The following RIC1 variants were observed in gnomAD, a reference collection of about 807,000 sequenced individuals.
RIC1 encodes the protein guanine nucleotide exchange factor subunit RIC1.
Under a neutral mutation model 169.0 loss-of-function variants are expected in RIC1, and 88 were observed. The observed-to-expected ratio is 0.52, with a 90% CI of 0.44 to 0.62. The LOEUF (loss-of-function observed/expected upper bound fraction) is 0.62. Among genes scored for constraint, RIC1 ranks in the 20% least tolerant of loss-of-function variants. The pLI, the probability that RIC1 is intolerant of heterozygous loss-of-function variation, is 0.00. For synonymous variants in RIC1, 790 were observed against 601.5 expected (o/e 1.31, Z -4.59); for missense variants, 1,877 against 1,725.5 (o/e 1.09, Z -1.56).
chr9:5,685,175 C>G (rs1821139465), intron 2 of RIC1, among the ~76,000 whole-genome samples: 1 of 150,328 alleles, frequency 6.7e-6, no homozygotes, highest in Non-Finnish European at 1.5e-5. Context: ...TAGGAAGAAT[C>G]AATATCGTGA....
intron 7 of RIC1, among the ~76,000 whole-genome samples, chr9:5,733,518 C>T (rs1439272182): frequency 2.6e-5 from 4 of 151,998 alleles, no homozygotes; most frequent in African/African-American, 9.7e-5. Context: ...TCCGCCTTGG[C>T]CTCCCACAGT....
intron 3 of RIC1, among the ~76,000 whole-genome samples, chr9:5,705,714 T>C (rs1245583571): frequency 1.3e-5 from 2 of 152,200 alleles, no homozygotes; most frequent in African/African-American, 4.8e-5. Flanking sequence ...TGCATGATCG[T>C]AGCGGGAAAA....
intron 1 of RIC1, among the ~76,000 whole-genome samples, chr9:5,645,934 T>G (rs969180091): frequency 1.4e-4 from 21 of 150,534 alleles, no homozygotes; most frequent in Non-Finnish European, 2.7e-4. Context: ...GCTGTTTCAT[T>G]TGGTTATTCT....
chr9:5,721,982 G>C (rs1315449377), intron 6 of RIC1, among the ~76,000 whole-genome samples: 1 of 150,986 alleles, frequency 6.6e-6, no homozygotes, highest in Non-Finnish European at 1.5e-5. Context: ...TCCGCCTCTC[G>C]GGTTCAAGCG....
chr9:5,664,034 A>G (rs1819610551), intron 2 of RIC1, among the ~76,000 whole-genome samples: 1 of 152,116 alleles, frequency 6.6e-6, no homozygotes, highest in African/African-American at 2.4e-5. Context: ...GCTTGTCTGA[A>G]CAGGATCTTG....
rs188716960 is a variant in RIC1, at chr9:5,680,736, C to T, written c.253-9223C>T. Among the ~76,000 whole-genome samples the T allele has an allele frequency of 1.8e-3, 272 of 150,268 alleles. 2 individuals are homozygous for T. Among genetic ancestry groups the T allele is most frequent in the South Asian group, 0.011 (50 of 4,728 alleles). ...TTATTGCGTCTGTTTGATTCTTCTC[C>T]GTTTTCTTCTTTATTAGTCTTGCTA... is the stretch of plus-strand genomic sequence containing the variant. On this transcript the variant is annotated intron_variant, in intron 2 of 25. Coordinates refer to ENST00000414202, the MANE Select transcript of RIC1 (RefSeq NM_020829.4).
At chr9:5,740,250 A>T (rs537325036) in intron 8 of RIC1, among the ~76,000 whole-genome samples, 1 of 152,290 alleles carries the variant, frequency 6.6e-6, no homozygotes, top group East Asian at 1.9e-4. Context: ...GCATAACTCT[A>T]TATAAACAGT....
At position 5,653,190 on chromosome 9, in the gene RIC1, T is replaced by C. The variant is rs1356233816; in HGVS notation, c.145-3393T>C. Among the ~76,000 whole-genome samples, 3 of 152,176 alleles carry C rather than the reference T, an allele frequency of 2.0e-5. No individual in the cohort carries two copies. In the East Asian group the frequency reaches 5.8e-4, roughly 29 times the overall value. On this transcript the variant is annotated intron_variant, in intron 1 of 25. Coordinates refer to ENST00000414202, the MANE Select transcript of RIC1 (RefSeq NM_020829.4). ...ATACTATTCATTGCAAAGACTGTCT[T>C]TTCTCTGTTGTACTTCCTTTCCTTG...
chr9:5,770,711 A>T (rs1022195236), intron 23 of RIC1, among the ~76,000 whole-genome samples: 1 of 152,164 alleles, frequency 6.6e-6, no homozygotes, highest in African/African-American at 2.4e-5. Context: ...TATTTCATCA[A>T]TAAAAATTGT....
rs1208482384 is a variant in RIC1 at position 5,762,542 on chromosome 9, C to G, written c.1994C>G (p.Ala665Gly). ...TAGCTGCTTTTTCTTAAATTTCAGG[C>G]TCGTGGTGCAGAGAGCATTATGTTA... ...NGITLKMPQQ[A>G]RGAESIMLNL... The change falls in exon 18 of 26, where the codon GCT becomes GGT. Residue 665 changes from alanine to glycine, a missense_variant and splice_region_variant. Transcript: ENST00000414202. 2 of 1,612,978 alleles carry G rather than the reference C, an allele frequency of 1.2e-6. No individual in the cohort carries two copies. Among genetic ancestry groups the G allele is most frequent in the African/African-American group, 2.7e-5 (2 of 74,864 alleles).
In RIC1 at chr9:5,743,402, G is replaced by A. The variant is rs546376662; in HGVS notation, c.1047-287G>A. Among the ~76,000 whole-genome samples the A allele has an allele frequency of 1.1e-3, 170 of 152,100 alleles. 2 individuals are homozygous for A. Among genetic ancestry groups the A allele is most frequent in the Non-Finnish European group, 5.9e-4 (40 of 67,978 alleles). ...GCCCAGTGATTGATAGGAGTAGGTT[G>A]GTATCTCTGCCCACTTCATATACTA... On this transcript the variant is annotated intron_variant, in intron 9 of 25. Transcript: ENST00000414202.
In RIC1 at chr9:5,712,166, A is replaced by AT; in HGVS notation, c.333-1730_333-1729insT. On this transcript the variant is annotated intron_variant, in intron 3 of 25. Coordinates refer to ENST00000414202, the MANE Select transcript of RIC1 (RefSeq NM_020829.4). ...GAATCGCCACACTGTCTTCCACAAT[A>AT]GTTGAACTAGTTTGCAGTCCCACCA... Among the ~76,000 whole-genome samples the AT allele has an allele frequency of 2.0e-5, 3 of 152,284 alleles. No individual in the cohort carries two copies. In the Middle Eastern group the frequency reaches 0.01, roughly 518 times the overall value.
chr9:5,702,532 TTTTGTTTTTGTTTG>T (rs1310636004), intron 3 of RIC1, among the ~76,000 whole-genome samples: 3 of 148,184 alleles, frequency 2.0e-5, no homozygotes, highest in South Asian at 2.1e-4. Flanking sequence ...TTGTTTTTGT[TTTTGTTTTTGTTTG>T]TTTGTTTGTT....
chr9:5,709,583 T>G (rs908961332), intron 3 of RIC1, among the ~76,000 whole-genome samples: 2 of 152,206 alleles, frequency 1.3e-5, no homozygotes, highest in Non-Finnish European at 2.9e-5. Flanking sequence ...ACATAGTAAA[T>G]GCTCTATTCC....
Position 5,713,981 on chromosome 9 carries a change from G to T in RIC1, c.418G>T (p.Asp140Tyr). The change falls in exon 4 of 26, where the codon GAT becomes TAT. Residue 140 changes from aspartate to tyrosine, a missense_variant. Asp to Tyr is a radical substitution (Grantham distance 160, BLOSUM62 -3). Around this residue, in one of 3 missense-constraint regions of RIC1, gnomAD observed 1,104 missense variants for 992.0 expected, o/e 1.11. Coordinates refer to ENST00000414202, the MANE Select transcript of RIC1 (RefSeq NM_020829.4). Reference sequence around the variant, plus strand: ...AAATTTGGAGATGAGGAAAATACTGGATTTACAAGCACCCATCATGAGGTA... The same window carrying T: ...AAATTTGGAGATGAGGAAAATACTGTATTTACAAGCACCCATCATGAGGTA... The part of the protein sequence containing the change: ...ALNLEMRKIL[D>Y]LQAPIMSLQS... The T allele has an allele frequency of 6.2e-7, 1 of 1,611,648 alleles. No individual in the cohort carries two copies.
chr9:5,683,264 C>T (rs548337222), intron 2 of RIC1, among the ~76,000 whole-genome samples: 24 of 152,200 alleles, frequency 1.6e-4, no homozygotes, highest in Non-Finnish European at 2.2e-4. Context: ...GTTTTTTCCC[C>T]GTCTTTGTGG....
intron 1 of RIC1, among the ~76,000 whole-genome samples, chr9:5,636,511 G>T (rs570962315): frequency 6.6e-6 from 1 of 151,980 alleles, no homozygotes; most frequent in Non-Finnish European, 1.5e-5. Flanking sequence ...GTAGAGACAG[G>T]GTTTCACCAT....
chr9:5,688,667 G>A (rs937465227), intron 2 of RIC1, among the ~76,000 whole-genome samples: 1 of 152,028 alleles, frequency 6.6e-6, no homozygotes, highest in African/African-American at 2.4e-5. Context: ...TAAAGTTAAT[G>A]GTCAAAAAGA....
chr9:5,753,768 TA>T (rs1476902513), intron 14 of RIC1, 122 bp downstream of exon 14: 1 of 474,966 alleles, frequency 2.1e-6, no homozygotes, highest in Non-Finnish European at 3.7e-6. Context: ...GAAAATCAGA[TA>T]TAAAAAAGTG....
Sources: gnomAD v4.1 joint callset for allele counts (sites outside exome capture counted in the v4.1 genomes callset) on GRCh38, gnomAD v4.1.1 for gene constraint, gnomAD v4.1.1 regional missense constraint, MANE v1.5 for transcripts, NCBI Gene and HGNC (gene_info 2026-07-23, HGNC 2026-07-21) for gene names.